CHL1: variants seen among roughly 807,000 people sequenced by gnomAD.
The protein encoded by CHL1 is cell adhesion molecule L1 like, also known as neural cell adhesion molecule L1-like protein.
Under a neutral mutation model 141.9 loss-of-function variants are expected in CHL1, and 96 were observed. That is an observed-to-expected ratio of 0.68 (90% CI 0.57 to 0.80). The LOEUF (loss-of-function observed/expected upper bound fraction) is 0.80. CHL1 is among the 30% of genes least tolerant of loss of function. The pLI is 0.00. For synonymous variants in CHL1, 613 were observed against 502.2 expected (o/e 1.22, Z -2.95); for missense variants, 1,820 against 1,457.2 (o/e 1.25, Z -4.05).
intron 5 of CHL1, among the ~76,000 whole-genome samples, chr3:336,879 TA>T (rs1701908249): frequency 1.3e-5 from 2 of 152,202 alleles, no homozygotes; most frequent in Non-Finnish European, 2.9e-5. Context: ...GTTGTGGTAA[TA>T]AGACTCCTGT....
In CHL1 at chr3:386,062, T is replaced by C. The variant is rs1707673927; in HGVS notation, c.2247+2176T>C. On this transcript the variant is annotated intron_variant, in intron 19 of 27. Coordinates refer to ENST00000256509, the MANE Select transcript of CHL1 (RefSeq NM_006614.4). ...TTCATTCACTGAGTATGGTTCTGTA[T>C]GGATCATCCTGCGGAAAGGAGTTAG... Among the ~76,000 whole-genome samples, 4 of 152,074 alleles carry C rather than the reference T, an allele frequency of 2.6e-5. No homozygotes were observed. In the South Asian group the frequency reaches 8.3e-4, roughly 31 times the overall value.
At chr3:214,041 G>A (rs541389759) in intron 1 of CHL1, among the ~76,000 whole-genome samples, 21 of 152,236 alleles carry the variant, frequency 1.4e-4, no homozygotes, top group African/African-American at 4.8e-4. Context: ...ACTACATTTG[G>A]GGAGTCAACC....
intron 1 of CHL1, among the ~76,000 whole-genome samples, chr3:238,572 A>G (rs999863504): frequency 2.6e-5 from 4 of 152,152 alleles, no homozygotes; most frequent in East Asian, 3.8e-4. Context: ...AATTAATAAG[A>G]TCATTTTTCC....
chr3:405,989 G>A lies in CHL1; in HGVS notation c.*278G>A. 3 of 348,724 alleles carry A rather than the reference G, an allele frequency of 8.6e-6. No homozygotes were observed. Among genetic ancestry groups the A allele is most frequent in the Non-Finnish European group, 1.6e-5 (3 of 185,266 alleles). 21.6% of individuals were successfully genotyped at this position (348,724 alleles called of 1,614,324 possible). A position where few individuals can be genotyped will look rare whatever the true frequency, so the allele number is the denominator to read the frequency against. On this transcript the variant is annotated 3_prime_UTR_variant, in exon 28 of 28. Coordinates refer to ENST00000256509, the MANE Select transcript of CHL1 (RefSeq NM_006614.4). ...TAGATACACCTCAACTAAATCCAAA[G>A]TCCCCATTCAGTATATTCCATATTT...
chr3:258,934 C>CTTTT (rs538887029), intron 2 of CHL1, among the ~76,000 whole-genome samples: 2 of 130,556 alleles, frequency 1.5e-5, no homozygotes, highest in Non-Finnish European at 1.6e-5. Flanking sequence ...ATGGCAACAT[C>CTTTT]TTTTTTTTTT....
At position 361,729 on chromosome 3, in the gene CHL1, G is replaced by C. The variant is rs1259503122; in HGVS notation, c.1337G>C (p.Gly446Ala). The change falls in exon 13 of 28, where the codon GGA becomes GCA. Residue 446 changes from glycine (G) to alanine (A), a missense_variant. Transcript: ENST00000256509. ...DVRPLIQTKD[G>A]ENYATVVGYS... ...CGTCCATTGATACAAACCAAAGATG[G>C]AGAAAATTACGCTACAGTGGTTGGG... is the stretch of plus-strand genomic sequence containing the variant. The C allele has an allele frequency of 6.2e-7, 1 of 1,613,384 alleles. No individual in the cohort carries two copies. Among genetic ancestry groups the C allele is most frequent in the Non-Finnish European group, 8.5e-7 (1 of 1,179,442 alleles).
chr3:255,171 T>G (rs1288559603), intron 2 of CHL1, among the ~76,000 whole-genome samples: 1 of 152,206 alleles, frequency 6.6e-6, no homozygotes, highest in Admixed American at 6.6e-5. Context: ...CCTACCATAA[T>G]TACAGTCTCA....
chr3:224,813 G>T (rs772100718), intron 1 of CHL1, among the ~76,000 whole-genome samples: 54 of 152,192 alleles, frequency 3.5e-4, no homozygotes, highest in Non-Finnish European at 6.9e-4. Context: ...TTGAGGGTTT[G>T]CTAGGATAGA....
chr3:228,795 G>C (rs1419108377), intron 1 of CHL1, among the ~76,000 whole-genome samples: 5 of 152,078 alleles, frequency 3.3e-5, no homozygotes, highest in African/African-American at 4.8e-5. Flanking sequence ...CAGCTCAATG[G>C]CATATTTTAA....
At chr3:247,813 G>A (rs942076691) in intron 2 of CHL1, 12 of 152,088 alleles carry the variant, frequency 7.9e-5, no homozygotes, top group Admixed American at 7.2e-4. Flanking sequence ...TGCATTCAGA[G>A]GTGATGAAAG....
At chr3:352,566 A>G (rs1386957383) in intron 10 of CHL1, among the ~76,000 whole-genome samples, 3 of 152,188 alleles carry the variant, frequency 2.0e-5, no homozygotes, top group African/African-American at 4.8e-5. Context: ...AGATAAAAGA[A>G]TGGGTTTCTA....
intron 24 of CHL1, among the ~76,000 whole-genome samples, chr3:397,260 GA>G (rs1708753941): frequency 6.6e-6 from 1 of 151,994 alleles, no homozygotes; most frequent in Non-Finnish European, 1.5e-5. Context: ...GCTTAATCTT[GA>G]AGGCTTTGCT....
At chr3:283,506 C>T (rs1696844365) in intron 2 of CHL1, among the ~76,000 whole-genome samples, 1 of 152,210 alleles carries the variant, frequency 6.6e-6, no homozygotes, top group African/African-American at 2.4e-5. Context: ...AGTCAACTAT[C>T]TATTCATCTA....
At chr3:376,259 G>C (rs559603200) in intron 15 of CHL1, 2 of 388,346 alleles carry the variant, frequency 5.2e-6, no homozygotes, top group South Asian at 2.1e-5. Flanking sequence ...GTGTGACCCC[G>C]TGTGTGATTT....
intron 15 of CHL1, chr3:376,373 T>C (rs1285568389): frequency 7.7e-6 from 4 of 516,596 alleles, no homozygotes; most frequent in South Asian, 5.6e-5. Context: ...TCTCCAAATG[T>C]ACTGATTTGG....
Position 343,040 on chromosome 3 carries a change from A to T in CHL1, c.727+9A>T. On this transcript the variant is annotated intron_variant, in intron 8 of 27. Coordinates refer to ENST00000256509, the MANE Select transcript of CHL1 (RefSeq NM_006614.4). ...AGAAATTGGTTCCAAGGGTAAGTTGAACCCATGTGGAGTGTTGGCATTTGT... is the reference window on the plus strand; with the variant it reads ...AGAAATTGGTTCCAAGGGTAAGTTGTACCCATGTGGAGTGTTGGCATTTGT... 1 of 1,605,828 alleles carries T rather than the reference A, an allele frequency of 6.2e-7. No homozygotes were observed.
intron 1 of CHL1, among the ~76,000 whole-genome samples, chr3:235,590 A>G (rs954198975): frequency 7.2e-5 from 11 of 152,204 alleles, no homozygotes; most frequent in Non-Finnish European, 1.3e-4. Flanking sequence ...ACTATCAGAT[A>G]CATTTTGGAC....
At chr3:321,361 A>G (rs1273900818) in intron 3 of CHL1, among the ~76,000 whole-genome samples, 1 of 152,020 alleles carries the variant, frequency 6.6e-6, no homozygotes, top group Non-Finnish European at 1.5e-5. Context: ...GGCCTACACA[A>G]TGTATTAGAT....
chr3:311,440 G>A (rs1699743264), intron 2 of CHL1, among the ~76,000 whole-genome samples: 2 of 151,590 alleles, frequency 1.3e-5, no homozygotes, highest in Admixed American at 1.3e-4. Flanking sequence ...TTTTCAGGTA[G>A]GGCTGTTCTT....
Sources: allele counts gnomAD v4.1 joint callset (sites outside exome capture counted in the v4.1 genomes callset), GRCh38; gene constraint gnomAD v4.1.1; transcripts MANE v1.5; gene names NCBI Gene and HGNC (gene_info 2026-07-23, HGNC 2026-07-21).